The following ADAMTS2 variants were observed in gnomAD, a reference collection of about 807,000 sequenced individuals.
ADAMTS2 encodes the protein ADAM metallopeptidase with thrombospondin type 1 motif 2, also known as A disintegrin and metalloproteinase with thrombospondin motifs 2.
A neutral mutation model predicts 123.0 loss-of-function variants in ADAMTS2; 50 were observed. The observed-to-expected ratio is 0.41, with a 90% CI of 0.32 to 0.51. ADAMTS2 has a LOEUF of 0.51. ADAMTS2 is among the 20% of genes least tolerant of loss of function. The pLI is 0.35. For synonymous variants in ADAMTS2, 678 were observed against 695.4 expected (o/e 0.98, Z 0.39); for missense variants, 1,494 against 1,705.2 (o/e 0.88, Z 2.18).
At chr5:179,259,178 A>G (rs1464200497) in intron 3 of ADAMTS2, among the ~76,000 whole-genome samples, 1 of 151,796 alleles carries the variant, frequency 6.6e-6, no homozygotes, top group African/African-American at 2.4e-5. Flanking sequence ...CACACCCCCA[A>G]ACAAGCCCCG....
chr5:179,297,939 A>AGGCT (rs1186591815), intron 2 of ADAMTS2, among the ~76,000 whole-genome samples: 1 of 151,978 alleles, frequency 6.6e-6, no homozygotes, highest in African/African-American at 2.4e-5. Flanking sequence ...CCTTCTCAGC[A>AGGCT]GGCTGGCCTC....
In ADAMTS2 at chr5:179,303,886, G is replaced by A. The variant is rs765131700; in HGVS notation, c.535-30822C>T. On this transcript the variant is annotated intron_variant, in intron 2 of 21. Transcript: ENST00000251582. This position sits in a 1 kb window ranked among gnomAD's most constrained non-coding sequence, Gnocchi z 4.7. ...GGCCAGAGAGATTTAACAAGGAGCC[G>A]CAGGAAACTGGACAGGGCTAGGAAG... Among the ~76,000 whole-genome samples, 13 of 152,294 alleles carry A rather than the reference G, an allele frequency of 8.5e-5. No homozygotes were observed. The highest frequency in any genetic ancestry group is 2.1e-4 in the South Asian group (1 of 4,824).
At position 179,130,193 on chromosome 5, in the gene ADAMTS2, C is replaced by T. The variant is rs114393028; in HGVS notation, c.2291-95G>A. The T allele has an allele frequency of 6.7e-7, 1 of 1,495,832 alleles. No homozygotes were observed. The allele number at this position is 1,495,832 out of a possible 1,614,324, so 92.7% of individuals were successfully genotyped here. A position where few individuals can be genotyped will look rare whatever the true frequency, so the allele number is the denominator to read the frequency against. ...CTGGTCGGGGAGTGGGGGCAGCTAG[C>T]TGGACCCCTTGTCTCTCTGGCTGCC... On this transcript the variant is annotated intron_variant, in intron 15 of 21. Coordinates refer to ENST00000251582, the MANE Select transcript of ADAMTS2 (RefSeq NM_014244.5). The surrounding 1 kb of genome is among the most constrained non-coding windows in gnomAD (Gnocchi z 4.3).
intron 4 of ADAMTS2, among the ~76,000 whole-genome samples, chr5:179,200,117 A>G (rs1268640066): frequency 6.6e-6 from 1 of 152,124 alleles, no homozygotes; most frequent in Non-Finnish European, 1.5e-5. Flanking sequence ...CCTTTAGGCC[A>G]GTGTTCCCCA....
Position 179,129,054 on chromosome 5 carries a change from C to A in ADAMTS2, c.2457+878G>T, listed in dbSNP as rs992737297. On this transcript the variant is annotated intron_variant, in intron 16 of 21. Transcript: ENST00000251582. The surrounding 1 kb of genome is among the most constrained non-coding windows in gnomAD (Gnocchi z 4.1). Reference sequence around the variant, plus strand: ...CGTGTGGCAGGCGACTCACACTTCACCACTCTGTGCGTGTCCGTTTGGGGC... The same window carrying A: ...CGTGTGGCAGGCGACTCACACTTCAACACTCTGTGCGTGTCCGTTTGGGGC... 1.3e-5 allele frequency among the ~76,000 whole-genome samples: 2 copies of A among 152,192 alleles called. No homozygotes were observed. Among genetic ancestry groups the A allele is most frequent in the Non-Finnish European group, 2.9e-5 (2 of 68,034 alleles).
intron 2 of ADAMTS2, among the ~76,000 whole-genome samples, chr5:179,304,962 C>T (rs1020371236): frequency 2.0e-5 from 3 of 150,892 alleles, no homozygotes; most frequent in Admixed American, 6.6e-5. Context: ...AAAAACAGTG[C>T]ATTACTTATA....
At chr5:179,257,712 TACATTTCA>T (rs1297673630) in intron 3 of ADAMTS2, among the ~76,000 whole-genome samples, 4 of 152,164 alleles carry the variant, frequency 2.6e-5, no homozygotes, top group African/African-American at 9.7e-5. Flanking sequence ...TCCTCTGAAG[TACATTTCA>T]ACTCCGAGGC....
At chr5:179,325,318 C>T (rs1757284075) in intron 2 of ADAMTS2, among the ~76,000 whole-genome samples, 1 of 152,064 alleles carries the variant, frequency 6.6e-6, no homozygotes, top group Admixed American at 6.5e-5. Flanking sequence ...TCGGGTGGGG[C>T]ACGGAAGGGA....
At position 179,284,102 on chromosome 5, in the gene ADAMTS2, G is replaced by A. The variant is rs75040518; in HGVS notation, c.535-11038C>T. ...TCCCAGCACTTTGGGAGGACGAGGC[G>A]AATGGATCACAAGGCCAGGAGTTCA... On this transcript the variant is annotated intron_variant, in intron 2 of 21. Transcript: ENST00000251582. Among the ~76,000 whole-genome samples the A allele has an allele frequency of 7.7e-4, 117 of 151,666 alleles. 2 individuals carry two copies. In the East Asian group the frequency reaches 0.011, roughly 14 times the overall value.
rs539833607 is a variant in ADAMTS2, at chr5:179,179,102, AC to A, written c.975+1969del. 4.8e-4 allele frequency among the ~76,000 whole-genome samples: 73 copies of A among 151,926 alleles called. 1 individual carries two copies. In the South Asian group the frequency reaches 0.014, roughly 29 times the overall value. The stretch of plus-strand genomic sequence containing the variant: ...TGGGACTACAGGCACATGCCACCAC[AC>A]CCGGCTAATTTTTGTATTTTTTTGG... On this transcript the variant is annotated intron_variant, in intron 5 of 21. Coordinates refer to ENST00000251582, the MANE Select transcript of ADAMTS2 (RefSeq NM_014244.5).
rs570092169 is a variant in ADAMTS2, at chr5:179,328,267, C to T, written c.534+15500G>A. ...CAGGATGGTCTCGATTTCCTGACCTCGTGATCCACCCGCCTCGGCCTCCCA... is the reference window on the plus strand; with the variant it reads ...CAGGATGGTCTCGATTTCCTGACCTTGTGATCCACCCGCCTCGGCCTCCCA... On this transcript the variant is annotated intron_variant, in intron 2 of 21. Transcript: ENST00000251582. 1.3e-4 allele frequency among the ~76,000 whole-genome samples: 20 copies of T among 152,340 alleles called. No homozygotes were observed. The East Asian group carries it at 2.9e-3, about 22-fold the overall frequency.
At chr5:179,320,004 T>C (rs1382212469) in intron 2 of ADAMTS2, among the ~76,000 whole-genome samples, 5 of 152,220 alleles carry the variant, frequency 3.3e-5, no homozygotes, top group Admixed American at 3.3e-4. Flanking sequence ...CTGCCCAGCC[T>C]GACGGCTCCT....
At chr5:179,127,920 C>T (rs375502905) in intron 17 of ADAMTS2, 39 bp downstream of exon 17, 7 of 1,611,818 alleles carry the variant, frequency 4.3e-6, no homozygotes, top group Non-Finnish European at 5.9e-6. Context: ...CGTGGTCACC[C>T]TCATGTCACC....
chr5:179,208,172 G>A (rs1764762331), intron 3 of ADAMTS2, among the ~76,000 whole-genome samples: 1 of 151,782 alleles, frequency 6.6e-6, no homozygotes, highest in Non-Finnish European at 1.5e-5. Flanking sequence ...CGATGCTGGA[G>A]TGGGTAGAGC....
chr5:179,265,393 G>T (rs1766340504), intron 3 of ADAMTS2, among the ~76,000 whole-genome samples: 1 of 152,240 alleles, frequency 6.6e-6, no homozygotes, highest in Admixed American at 6.5e-5. Context: ...GCACAGGGGA[G>T]TTGCTGCGCA....
Position 179,344,134 on chromosome 5 carries a change from C to T in ADAMTS2, c.167G>A (p.Arg56His), listed in dbSNP as rs201167346. 1.2e-4 allele frequency: 194 copies of T among 1,602,922 alleles called. No individual in the cohort carries two copies. Among genetic ancestry groups the T allele is most frequent in the Admixed American group, 1.9e-4 (11 of 58,758 alleles). Residue 56 changes from arginine to histidine, a missense_variant, in exon 2 of 22, where the codon CGC (arginine) becomes CAC (histidine). Around this residue, in one of 6 missense-constraint regions of ADAMTS2, gnomAD observed 237 missense variants for 233.7 expected, o/e 1.01. Coordinates refer to ENST00000251582, the MANE Select transcript of ADAMTS2 (RefSeq NM_014244.5). ...AGTGCGCACGGGCACCGCCAGGATG[C>T]GCTCCGCTCCGTGCCCCAGGGGCCC... Reference protein sequence around the residue: ...PGGPLGHGAERILAVPVRTDA... With the variant: ...PGGPLGHGAEHILAVPVRTDA...
At chr5:179,121,923 C>G (rs542368910) in intron 20 of ADAMTS2, 173 bp from the exon 21 acceptor site, 6 of 464,624 alleles carry the variant, frequency 1.3e-5, no homozygotes, top group South Asian at 4.1e-5. Context: ...TCCTGCCCCT[C>G]CTGACAGCAG....
chr5:179,112,201 T>C lies in ADAMTS2; in HGVS notation c.*1666A>G, dbSNP rs1762578959. 1 of 152,182 alleles carries C rather than the reference T, an allele frequency of 6.6e-6. No homozygotes were observed. The highest frequency in any genetic ancestry group is 2.1e-4 in the South Asian group (1 of 4,832). 9.4% of individuals were successfully genotyped at this position (152,182 alleles called of 1,614,324 possible). On this transcript the variant is annotated 3_prime_UTR_variant, in exon 22 of 22. Coordinates refer to ENST00000251582, the MANE Select transcript of ADAMTS2 (RefSeq NM_014244.5). ...GTTATCCTGAGCCTCATCCATATAA[T>C]GGGGAAATACACATGAACAAATTCT...
chr5:179,166,829 C>T (rs1402048867), intron 5 of ADAMTS2, among the ~76,000 whole-genome samples: 1 of 152,228 alleles, frequency 6.6e-6, no homozygotes, highest in East Asian at 1.9e-4. Flanking sequence ...CTGGCCCACG[C>T]CTGCCCTCAG....
Sources: allele counts gnomAD v4.1 joint callset (sites outside exome capture counted in the v4.1 genomes callset), GRCh38; gene constraint gnomAD v4.1.1; regional missense constraint gnomAD v4.1.1; non-coding constraint Gnocchi (gnomAD v3.1); transcripts MANE v1.5; gene names NCBI Gene and HGNC (gene_info 2026-07-23, HGNC 2026-07-21).